Variants in AMN1 observed in about 807,000 individuals in gnomAD.
AMN1 encodes protein AMN1 homolog.
A neutral mutation model predicts 33.0 loss-of-function variants in AMN1; 20 were observed. The ratio of observed to expected loss-of-function variants is 0.61; its 90% CI spans 0.43 to 0.88. The LOEUF (loss-of-function observed/expected upper bound fraction) is 0.88. Among genes scored for constraint, AMN1 ranks in the 40% least tolerant of loss-of-function variants. AMN1 has a pLI of 0.00. For synonymous variants in AMN1, 114 were observed against 111.9 expected (o/e 1.02, Z -0.12); for missense variants, 246 against 307.4 (o/e 0.80, Z 1.49).
intron 4 of AMN1, 114 bp from the exon 5 acceptor site, chr12:31,697,531 G>A (rs1938784926): frequency 8.6e-7 from 1 of 1,156,104 alleles, no homozygotes; most frequent in Non-Finnish European, 1.3e-6. Context: ...CATCAAACAT[G>A]TGTTTTAGCC....
intron 6 of AMN1, among the ~76,000 whole-genome samples, chr12:31,675,118 T>TA (rs1265262187): frequency 6.7e-6 from 1 of 149,064 alleles, no homozygotes; most frequent in East Asian, 1.9e-4. Context: ...AAAGGGCGTC[T>TA]ATGAAAAACC....
intron 5 of AMN1, among the ~76,000 whole-genome samples, chr12:31,692,746 T>G (rs1318937561): frequency 6.6e-6 from 1 of 152,126 alleles, no homozygotes; most frequent in Non-Finnish European, 1.5e-5. Flanking sequence ...TGTTACATTA[T>G]ACGGACAGTC....
intron 1 of AMN1, among the ~76,000 whole-genome samples, chr12:31,726,185 G>C: frequency 6.7e-6 from 1 of 149,996 alleles, no homozygotes; most frequent in Non-Finnish European, 1.5e-5. Context: ...TGGGGGGACG[G>C]AGTTTCGCTC....
Position 31,672,085 on chromosome 12 carries a change from C to CTA in AMN1, c.*218_*219insTA, listed in dbSNP as rs1414219395. ...TATCATTTCAAAAATAATGACTCAT[C>CTA]CAACAGATATAGAATAATAGCACTT... On this transcript the variant is annotated 3_prime_UTR_variant, in exon 7 of 7. Transcript: ENST00000281471. The CTA allele has an allele frequency of 3.0e-5, 13 of 433,524 alleles. No individual in the cohort carries two copies. The Admixed American group carries it at 4.9e-4, about 16-fold the overall frequency. 26.9% of individuals were successfully genotyped at this position (433,524 alleles called of 1,614,324 possible).
chr12:31,675,630 G>A (rs1411883693), intron 6 of AMN1, among the ~76,000 whole-genome samples: 1 of 151,430 alleles, frequency 6.6e-6, no homozygotes, highest in African/African-American at 2.4e-5. Flanking sequence ...GAGTAGCTGG[G>A]ATTACAGGCG....
intron 3 of AMN1, among the ~76,000 whole-genome samples, chr12:31,701,016 T>G (rs1938973965): frequency 6.7e-6 from 1 of 150,106 alleles, no homozygotes; most frequent in African/African-American, 2.5e-5. Flanking sequence ...GTTGTTTATT[T>G]TTGAGAGAGT....
At chr12:31,711,919 CTTT>C (rs34519911) in intron 1 of AMN1, among the ~76,000 whole-genome samples, 1 of 152,166 alleles carries the variant, frequency 6.6e-6, no homozygotes, top group African/African-American at 2.4e-5. Flanking sequence ...ATGATATCCA[CTTT>C]TTTTTAGTTC....
chr12:31,701,820 G>C lies in AMN1; in HGVS notation c.316+43C>G. ...CCTTACTCCACAATTTTACCAGATA[G>C]TGAATAGTAATCTACCAATGTACTC... On this transcript the variant is annotated intron_variant, in intron 3 of 6. Coordinates refer to ENST00000281471, the MANE Select transcript of AMN1 (RefSeq NM_001113402.2). 1.3e-6 allele frequency: 2 copies of C among 1,507,066 alleles called. 1 individual carries two copies. The allele number at this position is 1,507,066 out of a possible 1,614,324, so 93.4% of individuals were successfully genotyped here.
chr12:31,714,966 A>G lies in AMN1; in HGVS notation c.39-5541T>C, dbSNP rs1939613630. 6.4e-6 allele frequency: 6 copies of G among 941,560 alleles called. No homozygotes were observed. In the South Asian group the frequency reaches 2.9e-4, roughly 46 times the overall value. The allele number at this position is 941,560 out of a possible 1,614,324, so 58.3% of individuals were successfully genotyped here. ...TCCAGTAGCATCTGGTAAAATTAGG[A>G]CAGAATTGGGATTAAAAAATGAACA... On this transcript the variant is annotated intron_variant, in intron 1 of 6. Transcript: ENST00000281471.
At chr12:31,719,689 T>A (rs1038963639) in intron 1 of AMN1, among the ~76,000 whole-genome samples, 1 of 152,056 alleles carries the variant, frequency 6.6e-6, no homozygotes, top group Non-Finnish European at 1.5e-5. Context: ...AGAAAACTGT[T>A]TGGCCTTATC....
At chr12:31,706,444 G>C (rs2139703487) in intron 2 of AMN1, among the ~76,000 whole-genome samples, 1 of 151,964 alleles carries the variant, frequency 6.6e-6, no homozygotes, top group South Asian at 2.1e-4. Context: ...TCTAGTCTCT[G>C]CAGACTAGAT....
chr12:31,709,604 A>G (rs1939391144), intron 1 of AMN1, among the ~76,000 whole-genome samples, 179 bp from the exon 2 acceptor site: 1 of 152,158 alleles, frequency 6.6e-6, no homozygotes, highest in African/African-American at 2.4e-5. Flanking sequence ...GGATGGCTTG[A>G]GCTCAGGAGT....
At chr12:31,694,490 G>A (rs1022898375) in intron 5 of AMN1, among the ~76,000 whole-genome samples, 1 of 151,068 alleles carries the variant, frequency 6.6e-6, no homozygotes, top group Non-Finnish European at 1.5e-5. Flanking sequence ...GCTTATACCT[G>A]TAATTCCAGC....
intron 5 of AMN1, among the ~76,000 whole-genome samples, chr12:31,695,078 G>GA (rs1289230636): frequency 3.3e-5 from 5 of 152,192 alleles, no homozygotes; most frequent in Admixed American, 2.0e-4. Context: ...TTGGAAAACT[G>GA]AAAAAATAAA....
At chr12:31,718,770 C>A (rs1456626856) in intron 1 of AMN1, among the ~76,000 whole-genome samples, 1 of 152,220 alleles carries the variant, frequency 6.6e-6, no homozygotes, top group East Asian at 1.9e-4. Flanking sequence ...ATATGCCCTG[C>A]CCCAGAGGTG....
rs182581641 is a variant in AMN1, at chr12:31,687,662, G to A, written c.703+1345C>T. ...TGCACCACTGCACTCCAGCCTCGGC[G>A]GGTGACAGAGCGAGATTCTGTCTCA... is the stretch of plus-strand genomic sequence containing the variant. On this transcript the variant is annotated intron_variant, in intron 6 of 6. Transcript: ENST00000281471. The surrounding 1 kb of genome is among the most constrained non-coding windows in gnomAD (Gnocchi z 4.1). 3.8e-4 allele frequency among the ~76,000 whole-genome samples: 58 copies of A among 151,712 alleles called. No individual in the cohort carries two copies. Among genetic ancestry groups the A allele is most frequent in the African/African-American group, 1.4e-3 (57 of 41,304 alleles).
At chr12:31,728,576 A>G (rs111827822) in intron 1 of AMN1, among the ~76,000 whole-genome samples, 1,931 of 152,298 alleles carry the variant, frequency 0.013, 54 homozygotes, top group African/African-American at 0.044. Context: ...GGGTCTGTCA[A>G]TGTTTATTCC....
At chr12:31,725,366 T>C (rs1430290415) in intron 1 of AMN1, among the ~76,000 whole-genome samples, 1 of 152,218 alleles carries the variant, frequency 6.6e-6, no homozygotes, top group East Asian at 1.9e-4. Flanking sequence ...AGAAGTCAGC[T>C]AAAACTTATA....
chr12:31,672,407 A>C, intron 6 of AMN1, 30 bp from the exon 7 acceptor site: 1 of 1,452,344 alleles, frequency 6.9e-7, no homozygotes. Flanking sequence ...CAATATATTA[A>C]TTGACAATAA....
Sources: gnomAD v4.1 joint callset for allele counts (sites outside exome capture counted in the v4.1 genomes callset) on GRCh38, gnomAD v4.1.1 for gene constraint, Gnocchi (gnomAD v3.1) non-coding constraint, MANE v1.5 for transcripts, NCBI Gene and HGNC (gene_info 2026-07-23, HGNC 2026-07-21) for gene names.